AOPEP: variants seen among roughly 807,000 people sequenced by gnomAD.
AOPEP encodes the protein aminopeptidase O.
Under a neutral mutation model 98.1 loss-of-function variants are expected in AOPEP, and 77 were observed. The observed-to-expected ratio is 0.78, with a 90% CI of 0.65 to 0.95. The LOEUF is 0.95. AOPEP is among the 40% of genes least tolerant of loss of function. The pLI, the probability that AOPEP is intolerant of heterozygous loss-of-function variation, is 0.00. For missense variants in AOPEP, 1,024 were observed against 1,024.7 expected, an observed-to-expected ratio of 1.00 and a Z score of 0.01; for synonymous variants, 346 against 365.3, an observed-to-expected ratio of 0.95 and a Z score of 0.60.
rs1403469191 is a variant in AOPEP at position 94,760,081 on chromosome 9, G to A, written c.298G>A (p.Ala100Thr). Residue 100 changes from alanine to threonine, a missense_variant, in exon 2 of 17, where the codon GCA (alanine) becomes ACA (threonine). By Grantham distance (58) the Ala-to-Thr change is moderately conservative. This residue lies in a region of AOPEP where 440 missense variants were observed against 433.8 expected (regional missense o/e 1.01). Transcript: ENST00000375315. ...FSSEMEYNDF[A>T]ICSKGEKDTS... The stretch of plus-strand genomic sequence containing the variant: ...ATCTGAAATGGAATATAATGATTTT[G>A]CAATCTGTAGTAAAGGTGAAAAAGA... 1 of 1,614,026 alleles carries A rather than the reference G, an allele frequency of 6.2e-7. No individual in the cohort carries two copies. Among genetic ancestry groups the A allele is most frequent in the Non-Finnish European group, 8.5e-7 (1 of 1,180,040 alleles).
chr9:95,079,515 G>A (rs952719279), intron 14 of AOPEP, among the ~76,000 whole-genome samples: 2 of 152,226 alleles, frequency 1.3e-5, no homozygotes, highest in African/African-American at 4.8e-5. Flanking sequence ...ATAACTGAGA[G>A]TGCTTTGATG....
chr9:94,989,469 T>G (rs2060743141), intron 11 of AOPEP, among the ~76,000 whole-genome samples: 1 of 152,046 alleles, frequency 6.6e-6, no homozygotes, highest in African/African-American at 2.4e-5. Context: ...TCTCCTAACC[T>G]CGTGATTTGC....
intron 13 of AOPEP, among the ~76,000 whole-genome samples, chr9:95,058,931 A>T (rs573562294): frequency 1.1e-4 from 16 of 152,208 alleles, no homozygotes; most frequent in Non-Finnish European, 2.2e-4. Flanking sequence ...AGGAGGGCAG[A>T]GGGAGAAAGA....
At chr9:94,938,422 T>C (rs1415912903) in intron 7 of AOPEP, among the ~76,000 whole-genome samples, 1 of 152,220 alleles carries the variant, frequency 6.6e-6, no homozygotes, top group Non-Finnish European at 1.5e-5. Flanking sequence ...CTCAGAGTTC[T>C]AAGAACTGAG....
At chr9:94,983,191 A>C (rs2060301288) in intron 11 of AOPEP, among the ~76,000 whole-genome samples, 1 of 151,964 alleles carries the variant, frequency 6.6e-6, no homozygotes, top group Non-Finnish European at 1.5e-5. Flanking sequence ...ATGCCTGCTA[A>C]TTTTTGTATT....
intron 5 of AOPEP, among the ~76,000 whole-genome samples, chr9:94,818,477 C>G (rs1852191547): frequency 6.6e-6 from 1 of 152,166 alleles, no homozygotes; most frequent in South Asian, 2.1e-4. Flanking sequence ...GGTCCACATT[C>G]CTTACATTGT....
intron 5 of AOPEP, among the ~76,000 whole-genome samples, chr9:94,891,456 CTTGTT>C (rs1421781200): frequency 6.6e-6 from 1 of 151,928 alleles, no homozygotes; most frequent in Non-Finnish European, 1.5e-5. Flanking sequence ...TTATTTTATG[CTTGTT>C]TTGTTATTCT....
chr9:94,954,716 G>A (rs1163446817), intron 7 of AOPEP, among the ~76,000 whole-genome samples: 1 of 152,148 alleles, frequency 6.6e-6, no homozygotes, highest in African/African-American at 2.4e-5. Flanking sequence ...TCTAATATGG[G>A]TGGAAAGTAC....
At chr9:94,858,764 T>G (rs968147180) in intron 5 of AOPEP, among the ~76,000 whole-genome samples, 11 of 151,954 alleles carry the variant, frequency 7.2e-5, no homozygotes, top group African/African-American at 2.7e-4. Flanking sequence ...TAAAACACAC[T>G]GAGGCTGGGC....
chr9:94,983,925 T>C (rs2060351927), intron 11 of AOPEP, among the ~76,000 whole-genome samples: 1 of 150,796 alleles, frequency 6.6e-6, no homozygotes, highest in Non-Finnish European at 1.5e-5. Context: ...GCTTATCTCT[T>C]TTGGGCCTTG....
At chr9:95,063,911 C>T (rs73526558) in intron 14 of AOPEP, among the ~76,000 whole-genome samples, 1,780 of 66,320 alleles carry the variant, frequency 0.027, 30 homozygotes, top group African/African-American at 0.059. Flanking sequence ...TGACAAAAGG[C>T]AGTTTCAAAA....
At chr9:94,992,775 A>AGAGGAGGCC in intron 11 of AOPEP, among the ~76,000 whole-genome samples, 1 of 152,208 alleles carries the variant, frequency 6.6e-6, no homozygotes, top group Non-Finnish European at 1.5e-5. Flanking sequence ...GAGGCCTGCA[A>AGAGGAGGCC]TGCAGGTGTA....
intron 14 of AOPEP, among the ~76,000 whole-genome samples, chr9:95,066,450 A>C (rs1027235737): frequency 5.3e-5 from 8 of 152,228 alleles, no homozygotes; most frequent in African/African-American, 1.4e-4. Context: ...AGTAAAGAAG[A>C]AGCAAGCCAT....
intron 5 of AOPEP, among the ~76,000 whole-genome samples, chr9:94,922,858 C>T (rs527285765): frequency 6.6e-6 from 1 of 152,314 alleles, no homozygotes; most frequent in East Asian, 1.9e-4. Flanking sequence ...TGCAGTTGAG[C>T]TCTCTGAGCT....
At chr9:94,729,719 C>T (rs1383412499) in intron 1 of AOPEP, among the ~76,000 whole-genome samples, 2 of 152,132 alleles carry the variant, frequency 1.3e-5, no homozygotes, top group Non-Finnish European at 2.9e-5. Flanking sequence ...TATTAGATGC[C>T]TGTAGCAGAC....
intron 1 of AOPEP, among the ~76,000 whole-genome samples, chr9:94,744,195 A>G (rs1833911152): frequency 6.6e-6 from 1 of 151,572 alleles, no homozygotes; most frequent in Non-Finnish European, 1.5e-5. Context: ...GATTGAGACC[A>G]TCCTGGCTCA....
intron 9 of AOPEP, 95 bp from the exon 10 acceptor site, chr9:94,967,663 C>A: frequency 3.2e-6 from 3 of 942,544 alleles, no homozygotes; most frequent in Non-Finnish European, 5.2e-6. Flanking sequence ...AGCAGGTGAG[C>A]TGTCAGTAGC....
intron 9 of AOPEP, among the ~76,000 whole-genome samples, chr9:94,965,328 CA>C (rs1302661786): frequency 6.6e-6 from 1 of 152,146 alleles, no homozygotes; most frequent in Admixed American, 6.5e-5. Context: ...CGTCAAACAG[CA>C]ATAAACAAGT....
chr9:94,730,938 A>G (rs918602390), intron 1 of AOPEP, among the ~76,000 whole-genome samples: 1 of 152,246 alleles, frequency 6.6e-6, no homozygotes, highest in Non-Finnish European at 1.5e-5. Flanking sequence ...AAAGAAAAAA[A>G]AGACGATTAA....
Sources: gnomAD v4.1 joint callset for allele counts (sites outside exome capture counted in the v4.1 genomes callset) on GRCh38, gnomAD v4.1.1 for gene constraint, gnomAD v4.1.1 regional missense constraint, MANE v1.5 for transcripts, NCBI Gene and HGNC (gene_info 2026-07-23, HGNC 2026-07-21) for gene names.